The following MAGI2 variants were observed in gnomAD, a reference collection of about 807,000 sequenced individuals.
MAGI2 encodes the protein membrane-associated guanylate kinase, WW and PDZ domain-containing protein 2.
MAGI2 carries 35 observed loss-of-function variants against 133.3 expected under a neutral mutation model. That is an observed-to-expected ratio of 0.26 (90% CI 0.20 to 0.35). The LOEUF is 0.35. MAGI2 is among the 10% of genes least tolerant of loss of function. MAGI2 has a pLI of 1.00. For synonymous variants in MAGI2, 729 were observed against 710.6 expected, an observed-to-expected ratio of 1.03 and a Z score of -0.41; for missense variants, 1,636 against 1,863.4, an observed-to-expected ratio of 0.88 and a Z score of 2.25.
At chr7:78,871,358 G>T (rs979621903) in intron 2 of MAGI2, among the ~76,000 whole-genome samples, 1 of 152,030 alleles carries the variant, frequency 6.6e-6, no homozygotes, top group Non-Finnish European at 1.5e-5. Context: ...GACTCAGGGG[G>T]TGAGGGATAT....
chr7:78,046,871 G>C (rs1319367596), intron 21 of MAGI2, among the ~76,000 whole-genome samples: 2 of 152,198 alleles, frequency 1.3e-5, no homozygotes, highest in African/African-American at 4.8e-5. Flanking sequence ...TCATAAGTAT[G>C]CGAATAAAAT....
intron 21 of MAGI2, among the ~76,000 whole-genome samples, chr7:78,034,274 A>G (rs188086449): frequency 1.3e-5 from 2 of 152,196 alleles, no homozygotes; most frequent in Admixed American, 6.5e-5. Flanking sequence ...AGTTGGGGGG[A>G]AAAAAGACGA....
At chr7:78,316,469 C>T (rs1029876314) in intron 9 of MAGI2, among the ~76,000 whole-genome samples, 1 of 152,114 alleles carries the variant, frequency 6.6e-6, no homozygotes, top group Non-Finnish European at 1.5e-5. Flanking sequence ...AGAAAAGATG[C>T]TTTACTTAGC....
chr7:78,647,044 T>G (rs1339155934), intron 2 of MAGI2, among the ~76,000 whole-genome samples: 1 of 152,162 alleles, frequency 6.6e-6, no homozygotes, highest in Admixed American at 6.5e-5. Context: ...TAAAAATACA[T>G]AAACATATTG....
At chr7:78,505,487 G>A (rs568192889) in intron 4 of MAGI2, among the ~76,000 whole-genome samples, 91 of 152,242 alleles carry the variant, frequency 6.0e-4, no homozygotes, top group African/African-American at 2.1e-3. Flanking sequence ...CTTTTCTGTG[G>A]CATATTTCAA....
intron 20 of MAGI2, among the ~76,000 whole-genome samples, chr7:78,092,223 T>C (rs1195517573): frequency 6.6e-6 from 1 of 152,210 alleles, no homozygotes; most frequent in Non-Finnish European, 1.5e-5. Flanking sequence ...TCTAATAGCT[T>C]GATTTAAGGT....
chr7:79,307,113 G>A (rs541416045), intron 1 of MAGI2, among the ~76,000 whole-genome samples: 1 of 152,304 alleles, frequency 6.6e-6, no homozygotes, highest in African/African-American at 2.4e-5. Flanking sequence ...TGAGCAGCAG[G>A]AGTGGTAGGG....
intron 2 of MAGI2, among the ~76,000 whole-genome samples, chr7:78,753,717 C>CAA (rs560397759): frequency 6.2e-4 from 79 of 126,652 alleles, no homozygotes; most frequent in Non-Finnish European, 9.8e-4. Flanking sequence ...ACTTAACTAG[C>CAA]AAAAAAAAAA....
intron 9 of MAGI2, among the ~76,000 whole-genome samples, chr7:78,284,644 G>C (rs1294630775): frequency 1.3e-5 from 2 of 152,048 alleles, no homozygotes; most frequent in African/African-American, 2.4e-5. Flanking sequence ...TCACTGAGCT[G>C]TAAGGTAGTC....
chr7:78,188,776 G>T (rs975283973), intron 12 of MAGI2, among the ~76,000 whole-genome samples: 2 of 152,090 alleles, frequency 1.3e-5, no homozygotes, highest in Non-Finnish European at 2.9e-5. Context: ...TGTAGCTATG[G>T]CATCCATGAA....
chr7:78,276,954 C>G (rs986751379), intron 9 of MAGI2, among the ~76,000 whole-genome samples: 1 of 152,060 alleles, frequency 6.6e-6, no homozygotes, highest in Non-Finnish European at 1.5e-5. Context: ...GCATTCACTT[C>G]CAGACTTCTT....
chr7:79,146,341 G>T (rs896308045), intron 1 of MAGI2, among the ~76,000 whole-genome samples: 1 of 152,304 alleles, frequency 6.6e-6, no homozygotes. Context: ...ACGAGTTCAT[G>T]TGTTGAAATT....
intron 10 of MAGI2, among the ~76,000 whole-genome samples, chr7:78,225,658 C>A (rs1789299372): frequency 6.6e-6 from 1 of 152,134 alleles, no homozygotes. Context: ...AGCAAAATAG[C>A]CTGAATATTT....
chr7:78,403,011 A>T (rs113941733), intron 6 of MAGI2, among the ~76,000 whole-genome samples: 43,772 of 151,788 alleles, frequency 0.29, 6,860 homozygotes, highest in Middle Eastern at 0.41. Flanking sequence ...CTTTTTTTTT[A>T]AAATTATACT....
intron 3 of MAGI2, among the ~76,000 whole-genome samples, chr7:78,552,035 G>A (rs1312819550): frequency 6.6e-6 from 1 of 152,122 alleles, no homozygotes; most frequent in African/African-American, 2.4e-5. Flanking sequence ...ATAAGCCACT[G>A]CATCCAGCTC....
At chr7:78,825,225 A>T (rs112509428) in intron 2 of MAGI2, among the ~76,000 whole-genome samples, 2,966 of 152,308 alleles carry the variant, frequency 0.019, 93 homozygotes, top group African/African-American at 0.067. Flanking sequence ...CACATTCTGC[A>T]TATGTATCCC....
At chr7:79,426,129 G>A (rs923350121) in intron 1 of MAGI2, among the ~76,000 whole-genome samples, 2 of 152,168 alleles carry the variant, frequency 1.3e-5, no homozygotes, top group Admixed American at 1.3e-4. Flanking sequence ...GGAGCTGTCT[G>A]TAATACTCCT....
chr7:78,851,017 T>C (rs887396072), intron 2 of MAGI2, among the ~76,000 whole-genome samples: 5 of 152,134 alleles, frequency 3.3e-5, no homozygotes, highest in African/African-American at 1.2e-4. Flanking sequence ...ACAGCAATGA[T>C]ATTGCTTAAC....
chr7:78,866,132 C>G (rs1171028078), intron 2 of MAGI2, among the ~76,000 whole-genome samples: 1 of 152,176 alleles, frequency 6.6e-6, no homozygotes, highest in Non-Finnish European at 1.5e-5. Flanking sequence ...TTACGGACTG[C>G]TGAAAAACAG....
Sources: gnomAD v4.1 joint callset for allele counts (sites outside exome capture counted in the v4.1 genomes callset) on GRCh38, gnomAD v4.1.1 for gene constraint, MANE v1.5 for transcripts, NCBI Gene and HGNC (gene_info 2026-07-23, HGNC 2026-07-21) for gene names.